Variants in NCOR1 observed in about 807,000 individuals in gnomAD.
NCOR1 encodes the protein nuclear receptor corepressor 1.
A neutral mutation model predicts 288.1 loss-of-function variants in NCOR1; 63 were observed. That is an observed-to-expected ratio of 0.22 (90% CI 0.18 to 0.27). NCOR1 has a LOEUF of 0.27. Ranked by LOEUF, NCOR1 falls within the 10% of genes least tolerant of loss-of-function variation. The pLI, the probability that NCOR1 is intolerant of heterozygous loss-of-function variation, is 1.00. For missense variants in NCOR1, 2,397 were observed against 3,019.2 expected, an observed-to-expected ratio of 0.79 and a Z score of 4.83; for synonymous variants, 1,007 against 1,065.9, an observed-to-expected ratio of 0.94 and a Z score of 1.08.
At chr17:16,048,545 G>T (rs745552083) in intron 41 of NCOR1, among the ~76,000 whole-genome samples, 9 of 151,668 alleles carry the variant, frequency 5.9e-5, no homozygotes, top group Non-Finnish European at 1.2e-4. Flanking sequence ...AATGTTGGCT[G>T]AATCAATGGA....
chr17:16,126,302 G>T, intron 14 of NCOR1, 96 bp from the exon 15 acceptor site: 1 of 1,245,262 alleles, frequency 8.0e-7, no homozygotes. Context: ...AATTTTAAAT[G>T]ATTGTTAGTC....
intron 1 of NCOR1, among the ~76,000 whole-genome samples, chr17:16,201,919 G>T (rs1475996308): frequency 6.6e-6 from 1 of 151,692 alleles, no homozygotes; most frequent in African/African-American, 2.4e-5. Context: ...GCAAAACCTC[G>T]TCTCTACTAA....
chr17:16,170,399 G>A (rs1044955774), intron 4 of NCOR1, among the ~76,000 whole-genome samples: 1 of 152,084 alleles, frequency 6.6e-6, no homozygotes, highest in Non-Finnish European at 1.5e-5. Flanking sequence ...ATTAGCGTAT[G>A]TTGGTAAAAA....
At chr17:16,185,722 T>C (rs563191525) in intron 3 of NCOR1, among the ~76,000 whole-genome samples, 2 of 148,382 alleles carry the variant, frequency 1.3e-5, no homozygotes, top group East Asian at 3.9e-4. Flanking sequence ...ATTAACTATT[T>C]TGGGAGGTAG....
intron 4 of NCOR1, among the ~76,000 whole-genome samples, chr17:16,168,254 GC>G (rs2082407051): frequency 6.6e-6 from 1 of 152,132 alleles, no homozygotes; most frequent in South Asian, 2.1e-4. Context: ...AGGCTGGAGT[GC>G]AATGGCACAA....
At chr17:16,108,965 T>C in intron 18 of NCOR1, 53 bp from the exon 19 acceptor site, 1 of 1,408,676 alleles carries the variant, frequency 7.1e-7, no homozygotes, top group Non-Finnish European at 9.5e-7. Flanking sequence ...GAAAAAAAAA[T>C]TCATTTCTGA....
At chr17:16,047,846 G>C (rs1034250407) in intron 41 of NCOR1, among the ~76,000 whole-genome samples, 3 of 152,172 alleles carry the variant, frequency 2.0e-5, no homozygotes, top group Non-Finnish European at 4.4e-5. Flanking sequence ...TCTATGCCAG[G>C]AAAGACAATT....
intron 14 of NCOR1, among the ~76,000 whole-genome samples, chr17:16,129,387 CTT>C (rs2075262712): frequency 6.6e-6 from 1 of 152,230 alleles, no homozygotes; most frequent in South Asian, 2.1e-4. Context: ...TACTATTCTA[CTT>C]GCTAAAGCAT....
At chr17:16,077,630 A>G in intron 26 of NCOR1, among the ~76,000 whole-genome samples, 1 of 149,876 alleles carries the variant, frequency 6.7e-6, no homozygotes. Context: ...GAAGGGAGGA[A>G]GGGAAAAGAA....
chr17:16,075,090 G>A (rs9905429), intron 27 of NCOR1, among the ~76,000 whole-genome samples: 1 of 151,952 alleles, frequency 6.6e-6, no homozygotes, highest in Non-Finnish European at 1.5e-5. Context: ...GGATGGTCTC[G>A]ATCTCCTGAC....
intron 3 of NCOR1, among the ~76,000 whole-genome samples, chr17:16,186,141 G>C (rs539950677): frequency 6.6e-6 from 1 of 152,190 alleles, no homozygotes. Context: ...AGCTTGAAGA[G>C]TTGAGATCAG....
intron 38 of NCOR1, 79 bp from the exon 39 acceptor site, chr17:16,058,143 GA>G: frequency 6.8e-7 from 1 of 1,471,692 alleles, no homozygotes; most frequent in Non-Finnish European, 9.4e-7. Flanking sequence ...ATATAATTCA[GA>G]AGAACACCTG....
At chr17:16,156,147 GAA>G (rs1228443947) in intron 6 of NCOR1, among the ~76,000 whole-genome samples, 2 of 152,006 alleles carry the variant, frequency 1.3e-5, no homozygotes, top group African/African-American at 4.8e-5. Context: ...AGGAATAAAA[GAA>G]AAGAGGCCTG....
At chr17:16,188,987 T>C (rs1019797459) in intron 2 of NCOR1, among the ~76,000 whole-genome samples, 4 of 151,748 alleles carry the variant, frequency 2.6e-5, no homozygotes, top group African/African-American at 9.7e-5. Flanking sequence ...ACGAAGCCAC[T>C]GCACTCCAGC....
intron 35 of NCOR1, 103 bp from the exon 36 acceptor site, chr17:16,062,373 G>T (rs2060633820): frequency 1.8e-6 from 2 of 1,109,238 alleles, no homozygotes; most frequent in Non-Finnish European, 2.4e-6. Context: ...TACCTAAATA[G>T]AAAAAAGAAA....
At chr17:16,055,703 A>G (rs2059834883) in intron 40 of NCOR1, among the ~76,000 whole-genome samples, 1 of 152,228 alleles carries the variant, frequency 6.6e-6, no homozygotes, top group South Asian at 2.1e-4. Flanking sequence ...CTAAAATGAA[A>G]ATCAGTTGAT....
intron 18 of NCOR1, among the ~76,000 whole-genome samples, chr17:16,116,343 T>C (rs1169428449): frequency 6.6e-6 from 1 of 152,226 alleles, no homozygotes; most frequent in African/African-American, 2.4e-5. Context: ...TTTTCAAATT[T>C]GGATACATTT....
At chr17:16,127,719 ATACATATATGTGTAT>A (rs2074946576) in intron 14 of NCOR1, among the ~76,000 whole-genome samples, 1 of 137,754 alleles carries the variant, frequency 7.3e-6, no homozygotes, top group South Asian at 2.2e-4. Context: ...GTGTGTATAT[ATACATATATGTGTAT>A]ATATGTGTGG....
In NCOR1 at chr17:16,072,127, A is replaced by T; in HGVS notation, c.3895+18T>A. 6.4e-7 allele frequency: 1 copy of T among 1,573,668 alleles called. No homozygotes were observed. Among genetic ancestry groups the T allele is most frequent in the Non-Finnish European group, 8.6e-7 (1 of 1,157,214 alleles). On this transcript the variant is annotated intron_variant, in intron 29 of 45. Coordinates refer to ENST00000268712, the MANE Select transcript of NCOR1 (RefSeq NM_006311.4). ...GAGGCAGTTATAAATAAAAATGCAA[A>T]ACAAGCAGAAAGTTTACCCTGCATT...
Sources: gnomAD v4.1 joint callset for allele counts (sites outside exome capture counted in the v4.1 genomes callset) on GRCh38, gnomAD v4.1.1 for gene constraint, MANE v1.5 for transcripts, NCBI Gene and HGNC (gene_info 2026-07-23, HGNC 2026-07-21) for gene names.